Variants in TUB observed in about 807,000 individuals in gnomAD.
TUB encodes tubby protein homolog.
Under a neutral mutation model 59.7 loss-of-function variants are expected in TUB, and 33 were observed. The observed-to-expected ratio is 0.55, with a 90% CI of 0.42 to 0.74. The LOEUF (loss-of-function observed/expected upper bound fraction) is 0.74, where lower values mean the gene tolerates loss of function less well. Among genes scored for constraint, TUB ranks in the 30% least tolerant of loss-of-function variants. The probability of loss-of-function intolerance (pLI) is 0.00; values close to 1 mark genes in which losing one functional copy is unlikely to be tolerated. For missense variants in TUB, 659 were observed against 672.0 expected, an observed-to-expected ratio of 0.98 and a Z score of 0.21; for synonymous variants, 293 against 256.4, an observed-to-expected ratio of 1.14 and a Z score of -1.36.
chr11:8,047,570 T>C (rs536458023), intron 2 of TUB, among the ~76,000 whole-genome samples: 19 of 152,290 alleles, frequency 1.2e-4, no homozygotes, highest in African/African-American at 2.9e-4. Context: ...GGAGTCCCAA[T>C]AGCAGAAGGG....
At chr11:8,055,213 C>CTG (rs1389604111) in intron 2 of TUB, among the ~76,000 whole-genome samples, 46 of 151,984 alleles carry the variant, frequency 3.0e-4, no homozygotes, top group Admixed American at 4.6e-4. Flanking sequence ...CTGGAGTGGC[C>CTG]TGTGTGTGTG....
chr11:8,062,917 A>C (rs1943162017), intron 2 of TUB, among the ~76,000 whole-genome samples: 1 of 152,020 alleles, frequency 6.6e-6, no homozygotes, highest in Non-Finnish European at 1.5e-5. Flanking sequence ...GGTCATCTGC[A>C]CTCTCGTGGG....
In TUB at chr11:8,098,822, T is replaced by C; in HGVS notation, c.1063T>C (p.Ser355Pro). ...DNGVNPQKASSSTLESGTLRQ... is the reference protein window; with the variant it reads ...DNGVNPQKASPSTLESGTLRQ... ...TGGAGTCAACCCTCAGAAGGCCTCA[T>C]CCTCCACTTTGGAAAGTGGAACCTT... is the stretch of plus-strand genomic sequence containing the variant. The change falls in exon 9 of 12, where the codon TCC (serine) becomes CCC (proline). Residue 355 changes from serine (S) to proline (P), a missense_variant. This residue lies in a region of TUB where 226 missense variants were observed against 210.8 expected (regional missense o/e 1.07). Coordinates refer to ENST00000299506, the MANE Select transcript of TUB (RefSeq NM_177972.3). The C allele has an allele frequency of 6.2e-7, 1 of 1,614,158 alleles. No homozygotes were observed. The highest frequency in any genetic ancestry group is 8.5e-7 in the Non-Finnish European group (1 of 1,180,026).
chr11:8,020,571 A>G (rs1375657527), intron 1 of TUB, among the ~76,000 whole-genome samples: 6 of 151,798 alleles, frequency 4.0e-5, no homozygotes, highest in Non-Finnish European at 7.4e-5. Flanking sequence ...TGTCTTGTTT[A>G]CCTCCTCGAG....
intron 1 of TUB, among the ~76,000 whole-genome samples, chr11:8,086,799 G>T (rs951437857): frequency 2.0e-5 from 3 of 152,190 alleles, no homozygotes; most frequent in Non-Finnish European, 2.9e-5. Flanking sequence ...CCGCTGGTGG[G>T]TGAGGTGGTA....
intron 2 of TUB, among the ~76,000 whole-genome samples, chr11:8,042,593 A>G (rs1203169903): frequency 6.6e-6 from 1 of 152,114 alleles, no homozygotes; most frequent in African/African-American, 2.4e-5. Flanking sequence ...CAGTTTTTTC[A>G]TATTCTTGCC....
intron 9 of TUB, among the ~76,000 whole-genome samples, chr11:8,099,781 CTT>C (rs1944175981): frequency 1.3e-5 from 2 of 151,968 alleles, no homozygotes; most frequent in South Asian, 4.2e-4. Context: ...TGAGGTAGCT[CTT>C]GAGTAAAGAC....
Position 8,106,214 on chromosome 11 carries a change from T to G in TUB, c.*4595T>G, listed in dbSNP as rs1341702346. On this transcript the variant is annotated 3_prime_UTR_variant, in exon 12 of 12. Coordinates refer to ENST00000299506, the MANE Select transcript of TUB (RefSeq NM_177972.3). ...GTGTTTGTCTAAGTACACACATATA[T>G]CAACAAATTAAACTTGAATCGTTTC... is the stretch of plus-strand genomic sequence containing the variant. 6.6e-6 allele frequency: 1 copy of G among 152,212 alleles called. No individual in the cohort carries two copies. Among genetic ancestry groups the G allele is most frequent in the Non-Finnish European group, 1.5e-5 (1 of 68,042 alleles). The allele number at this position is 152,212 out of a possible 1,614,324, so 9.4% of individuals were successfully genotyped here. A position where few individuals can be genotyped will look rare whatever the true frequency, so the allele number is the denominator to read the frequency against.
chr11:8,098,966 A>G, intron 9 of TUB, 91 bp downstream of exon 9: 1 of 954,984 alleles, frequency 1.0e-6, no homozygotes, highest in African/African-American at 1.6e-5. Context: ...CATCCATCTT[A>G]GTGGGTAGAC....
chr11:8,093,321 A>G (rs1426442453), intron 3 of TUB, among the ~76,000 whole-genome samples: 1 of 152,166 alleles, frequency 6.6e-6, no homozygotes, highest in African/African-American at 2.4e-5. Context: ...CATGTGAGGC[A>G]ACAGACCAGC....
intron 1 of TUB, among the ~76,000 whole-genome samples, chr11:8,020,637 A>G (rs1333954463): frequency 6.6e-6 from 1 of 152,128 alleles, no homozygotes; most frequent in Non-Finnish European, 1.5e-5. Flanking sequence ...CTTTGGGGAA[A>G]TATATCGTCT....
intron 1 of TUB, among the ~76,000 whole-genome samples, chr11:8,033,435 A>T (rs1942604441): frequency 1.3e-5 from 2 of 152,126 alleles, no homozygotes; most frequent in African/African-American, 4.8e-5. Context: ...CAGCCTGAAG[A>T]TTGTGGTCAG....
intron 1 of TUB, among the ~76,000 whole-genome samples, chr11:8,027,310 C>T (rs368504245): frequency 1.3e-5 from 2 of 152,158 alleles, no homozygotes; most frequent in African/African-American, 4.8e-5. Flanking sequence ...CTCTAATCTA[C>T]TTTCTGTCTC....
rs372085963 is a variant in TUB, at chr11:8,024,280, C to T, written c.56+4922C>T. Among the ~76,000 whole-genome samples, 45 of 152,328 alleles carry T rather than the reference C, an allele frequency of 3.0e-4. No homozygotes were observed. The South Asian group carries it at 9.3e-3, about 32-fold the overall frequency. On this transcript the variant is annotated intron_variant, in intron 1 of 11. Coordinates refer to the TUB transcript ENST00000534099. ...ATCTCTATCCCCTTTCTTCTTATAACACTAGAATCCTACAACAAAAATGAC... is the reference window on the plus strand; with the variant it reads ...ATCTCTATCCCCTTTCTTCTTATAATACTAGAATCCTACAACAAAAATGAC...
rs547341331 is a variant in TUB, at chr11:8,095,232, G to T, written c.398-266G>T. Among the ~76,000 whole-genome samples, 249 of 152,250 alleles carry T rather than the reference G, an allele frequency of 1.6e-3. 1 individual carries two copies. The highest frequency in any genetic ancestry group is 3.3e-3 in the Admixed American group (51 of 15,300). ...GCAGTTGGTTTTGTAGATGGCTGCC[G>T]TCTGCTTTAAGGACGTGAGGTGTTG... On this transcript the variant is annotated intron_variant, in intron 4 of 11. Coordinates refer to ENST00000299506, the MANE Select transcript of TUB (RefSeq NM_177972.3).
In TUB at chr11:8,096,507, G is replaced by A. The variant is rs149934437; in HGVS notation, c.566-178G>A. ...AGAATATCCTTTTATATCTGGACAT[G>A]TGTGGGAATATATGTGTGAATGGGA... On this transcript the variant is annotated intron_variant, in intron 5 of 11. Transcript: ENST00000299506. Among the ~76,000 whole-genome samples, 969 of 152,308 alleles carry A rather than the reference G, an allele frequency of 6.4e-3. 25 individuals carry two copies. Among genetic ancestry groups the A allele is most frequent in the Admixed American group, 0.053 (811 of 15,292 alleles).
At chr11:8,075,121 T>C (rs1181547050) in intron 2 of TUB, among the ~76,000 whole-genome samples, 1 of 152,158 alleles carries the variant, frequency 6.6e-6, no homozygotes, top group East Asian at 1.9e-4. Flanking sequence ...AATTATTTAC[T>C]TAAAGGAGTC....
chr11:8,037,488 T>C (rs1387811495), upstream of TUB, among the ~76,000 whole-genome samples: 6 of 152,160 alleles, frequency 3.9e-5, no homozygotes, highest in Non-Finnish European at 7.4e-5. Flanking sequence ...CAGCGTCCAT[T>C]TGGGGTGGGG....
At chr11:8,090,299 G>A (rs1943747886) in intron 3 of TUB, 68 bp downstream of exon 3, 20 of 1,577,608 alleles carry the variant, frequency 1.3e-5, no homozygotes, top group Admixed American at 1.7e-5. Context: ...TGCCCACCTA[G>A]GCAGGTGCGG....
Sources: allele counts gnomAD v4.1 joint callset (sites outside exome capture counted in the v4.1 genomes callset), GRCh38; gene constraint gnomAD v4.1.1; regional missense constraint gnomAD v4.1.1; transcripts MANE v1.5; gene names NCBI Gene and HGNC (gene_info 2026-07-23, HGNC 2026-07-21).